RBM47: variants seen among roughly 807,000 people sequenced by gnomAD.
The protein encoded by RBM47 is RNA binding motif protein 47, also known as RNA-binding protein 47.
A neutral mutation model predicts 47.1 loss-of-function variants in RBM47; 21 were observed. That is an observed-to-expected ratio of 0.45 (90% CI 0.32 to 0.64). The LOEUF is 0.64. Ranked by LOEUF, RBM47 falls within the 30% of genes least tolerant of loss-of-function variation. RBM47 has a pLI of 0.05. For missense variants in RBM47, 708 were observed against 870.9 expected (o/e 0.81, Z 2.35); for synonymous variants, 375 against 361.7 (o/e 1.04, Z -0.42).
chr4:40,540,655 AAT>A (rs1560456240), intron 2 of RBM47, among the ~76,000 whole-genome samples: 2,044 of 66,926 alleles, frequency 0.031, 36 homozygotes, highest in African/African-American at 0.11. Context: ...AAAAAAAAAT[AAT>A]AATAATAATA....
intron 6 of RBM47, among the ~76,000 whole-genome samples, chr4:40,431,632 T>C (rs544061220): frequency 8.5e-4 from 122 of 143,730 alleles, no homozygotes; most frequent in African/African-American, 3.1e-3. Flanking sequence ...CGCTCCAGCC[T>C]GGGCGACAGA....
At chr4:40,517,310 T>C (rs1725697479) in intron 2 of RBM47, among the ~76,000 whole-genome samples, 1 of 152,140 alleles carries the variant, frequency 6.6e-6, no homozygotes, top group Non-Finnish European at 1.5e-5. Flanking sequence ...AATTTCTTTG[T>C]AGTTTTAGTA....
chr4:40,620,894 A>G (rs1292090946), intron 1 of RBM47, among the ~76,000 whole-genome samples: 1 of 152,182 alleles, frequency 6.6e-6, no homozygotes, highest in Non-Finnish European at 1.5e-5. Context: ...TGATTTGCAG[A>G]AAGAACTATG....
Position 40,432,754 on chromosome 4 carries a change from A to G in RBM47, c.1439T>C (p.Ile480Thr), listed in dbSNP as rs780441804. ...IHTVEHMISPIAVQPDPASAA... is the reference protein window; with the variant it reads ...IHTVEHMISPTAVQPDPASAA... Reference sequence around the variant, plus strand: ...ACTGGCTGGGTCTGGCTGCACAGCAATGGGGCTGATCATGTGCTCCACTGT... The same window carrying G: ...ACTGGCTGGGTCTGGCTGCACAGCAGTGGGGCTGATCATGTGCTCCACTGT... Residue 480 changes from isoleucine (I) to threonine (T), a missense_variant, in exon 6 of 7, where the codon ATT (isoleucine) becomes ACT (threonine). By Grantham distance (89) the Ile-to-Thr change is moderately conservative. Coordinates refer to ENST00000295971, the MANE Select transcript of RBM47 (RefSeq NM_001098634.2). 9.9e-6 allele frequency: 16 copies of G among 1,613,224 alleles called. No homozygotes were observed. The highest frequency in any genetic ancestry group is 1.7e-5 in the Admixed American group (1 of 59,938).
At chr4:40,464,779 T>C (rs1218789026) in intron 3 of RBM47, among the ~76,000 whole-genome samples, 1 of 148,710 alleles carries the variant, frequency 6.7e-6, no homozygotes, top group African/African-American at 2.5e-5. Flanking sequence ...TAGTCCCAGC[T>C]ACTCGGGAGG....
intron 1 of RBM47, among the ~76,000 whole-genome samples, chr4:40,559,398 G>A (rs1490558447): frequency 1.3e-5 from 2 of 152,168 alleles, no homozygotes; most frequent in Non-Finnish European, 2.9e-5. Context: ...CAAGTGACAT[G>A]GGTATGCAAG....
At chr4:40,617,740 G>C (rs1038340538) in intron 1 of RBM47, among the ~76,000 whole-genome samples, 1 of 150,514 alleles carries the variant, frequency 6.6e-6, no homozygotes, top group African/African-American at 2.4e-5. Context: ...TGATTAATTT[G>C]AGTTATAAGT....
rs1409782250 is a variant in RBM47 at position 40,437,868 on chromosome 4, C to T, written c.1026G>A (p.Gln342=). 5 of 1,613,800 alleles carry T rather than the reference C, an allele frequency of 3.1e-6. No homozygotes were observed. In the African/African-American group the frequency reaches 5.3e-5, roughly 17 times the overall value. Residue 342 remains glutamine (Q), a synonymous_variant, in exon 4 of 7, where the codon CAG becomes CAA. Transcript: ENST00000295971. ...GGTCGCAGGAGTACACGTAGCTGGG[C>T]TGCTGCGCTGCCTCAGCCGCGCCGC... ...RGGGAAEAAQ[Q]PSYVYSCDPY... is the part of the protein sequence containing the mutation.
At chr4:40,449,674 T>C (rs1188600426) in intron 3 of RBM47, among the ~76,000 whole-genome samples, 1 of 152,104 alleles carries the variant, frequency 6.6e-6, no homozygotes, top group Non-Finnish European at 1.5e-5. Context: ...TAGGAAACTA[T>C]TATCTTGTTC....
intron 2 of RBM47, among the ~76,000 whole-genome samples, chr4:40,513,642 T>C (rs1002630543): frequency 2.0e-5 from 3 of 152,134 alleles, no homozygotes; most frequent in African/African-American, 4.8e-5. Flanking sequence ...ATGACCAGTA[T>C]AGAAAAAGTC....
chr4:40,481,483 ATTATTTTTATTT>A (rs1205187559), intron 2 of RBM47, among the ~76,000 whole-genome samples: 6 of 106,382 alleles, frequency 5.6e-5, no homozygotes, highest in East Asian at 5.4e-4. Flanking sequence ...TATTATTATT[ATTATTTTTATTT>A]TTATTTTTGA....
At chr4:40,449,971 C>T (rs1577661913) in intron 3 of RBM47, among the ~76,000 whole-genome samples, 3 of 152,092 alleles carry the variant, frequency 2.0e-5, no homozygotes, top group Admixed American at 1.3e-4. Context: ...TGTGAGCCAC[C>T]GCACCTGGCC....
At chr4:40,465,444 G>A (rs1423219932) in intron 3 of RBM47, among the ~76,000 whole-genome samples, 1 of 152,164 alleles carries the variant, frequency 6.6e-6, no homozygotes, top group African/African-American at 2.4e-5. Context: ...CAGATTGCCT[G>A]AGCTCAGAGG....
At chr4:40,507,616 G>T (rs959977154) in intron 2 of RBM47, among the ~76,000 whole-genome samples, 1 of 151,986 alleles carries the variant, frequency 6.6e-6, no homozygotes, top group South Asian at 2.1e-4. Flanking sequence ...GTGAAACCCC[G>T]TCTCTACTAA....
chr4:40,601,783 A>C (rs913527940), intron 1 of RBM47, among the ~76,000 whole-genome samples: 2 of 152,178 alleles, frequency 1.3e-5, no homozygotes, highest in Non-Finnish European at 2.9e-5. Context: ...TGCCAACCCC[A>C]GGTGGCCCCA....
At chr4:40,590,961 C>T (rs1734082051) in intron 1 of RBM47, among the ~76,000 whole-genome samples, 1 of 152,164 alleles carries the variant, frequency 6.6e-6, no homozygotes, top group Admixed American at 6.5e-5. Context: ...CACCACCATG[C>T]CTGGCTAATT....
chr4:40,461,467 A>C (rs1717130746), intron 3 of RBM47, among the ~76,000 whole-genome samples: 1 of 152,146 alleles, frequency 6.6e-6, no homozygotes, highest in Non-Finnish European at 1.5e-5. Flanking sequence ...AGAAAATTTA[A>C]TTGGCTTAGT....
At chr4:40,521,444 A>G (rs375086481) in intron 2 of RBM47, among the ~76,000 whole-genome samples, 280 of 152,198 alleles carry the variant, frequency 1.8e-3, no homozygotes, top group African/African-American at 6.2e-3. Context: ...CAGGTGATCC[A>G]CCTGCCTCAG....
chr4:40,605,558 C>T (rs1276156114), intron 1 of RBM47, among the ~76,000 whole-genome samples: 2 of 151,864 alleles, frequency 1.3e-5, no homozygotes, highest in African/African-American at 2.4e-5. Flanking sequence ...CGGCCGGGCA[C>T]GGTGGCTCAC....
Sources: allele counts gnomAD v4.1 joint callset (sites outside exome capture counted in the v4.1 genomes callset), GRCh38; gene constraint gnomAD v4.1.1; transcripts MANE v1.5; gene names NCBI Gene and HGNC (gene_info 2026-07-23, HGNC 2026-07-21).